GUCY1A2: variants seen among roughly 807,000 people sequenced by gnomAD.
The protein encoded by GUCY1A2 is guanylate cyclase 1 soluble subunit alpha 2, also known as guanylate cyclase soluble subunit alpha-2.
A neutral mutation model predicts 63.5 loss-of-function variants in GUCY1A2; 27 were observed. The observed-to-expected ratio is 0.43, with a 90% CI of 0.31 to 0.59. The LOEUF (loss-of-function observed/expected upper bound fraction) is 0.59, where lower values mean the gene tolerates loss of function less well. Ranked by LOEUF, GUCY1A2 falls within the 20% of genes least tolerant of loss-of-function variation. The pLI, the probability that GUCY1A2 is intolerant of heterozygous loss-of-function variation, is 0.11. For synonymous variants in GUCY1A2, 364 were observed against 343.5 expected (o/e 1.06, Z -0.66); for missense variants, 768 against 913.3 (o/e 0.84, Z 2.05).
At chr11:106,887,160 T>G in intron 4 of GUCY1A2, among the ~76,000 whole-genome samples, 1 of 152,106 alleles carries the variant, frequency 6.6e-6, no homozygotes, top group Non-Finnish European at 1.5e-5. Flanking sequence ...ATTCTTTTGA[T>G]AAAAATCTAA....
intron 6 of GUCY1A2, among the ~76,000 whole-genome samples, chr11:106,767,666 A>T (rs1864186907): frequency 6.6e-6 from 1 of 152,142 alleles, no homozygotes; most frequent in Non-Finnish European, 1.5e-5. Flanking sequence ...TGTGTTTTAA[A>T]TCATTATGCT....
chr11:106,742,591 T>C (rs570365456), intron 6 of GUCY1A2, among the ~76,000 whole-genome samples: 3 of 152,336 alleles, frequency 2.0e-5, no homozygotes, highest in Non-Finnish European at 2.9e-5. Flanking sequence ...AGCCTATCAA[T>C]GATGGGCATT....
chr11:106,973,169 T>A (rs1028372735), intron 3 of GUCY1A2, among the ~76,000 whole-genome samples: 1 of 152,126 alleles, frequency 6.6e-6, no homozygotes, highest in African/African-American at 2.4e-5. Flanking sequence ...GATTATATGA[T>A]GATATTCTTA....
intron 5 of GUCY1A2, among the ~76,000 whole-genome samples, chr11:106,800,140 C>T (rs1280332904): frequency 1.3e-5 from 2 of 152,144 alleles, no homozygotes; most frequent in East Asian, 3.9e-4. Flanking sequence ...TGAAAAAATG[C>T]TTATCATCAC....
rs185790557 is a variant in GUCY1A2 at position 106,853,432 on chromosome 11, G to C, written c.1207-42954C>G. ...TTAATTATTTCTTCTGCTTGATCTA[G>C]TCTACTGTTGAAGATATCAATTGTA... On this transcript the variant is annotated intron_variant, in intron 4 of 7. Coordinates refer to ENST00000526355, the MANE Select transcript of GUCY1A2 (RefSeq NM_000855.3). Among the ~76,000 whole-genome samples, 990 of 151,838 alleles carry C rather than the reference G, an allele frequency of 6.5e-3. 10 individuals are homozygous for C. Among genetic ancestry groups the C allele is most frequent in the Non-Finnish European group, 7.6e-3 (517 of 67,922 alleles).
chr11:106,863,222 T>C (rs950423908), intron 4 of GUCY1A2, among the ~76,000 whole-genome samples: 1 of 152,196 alleles, frequency 6.6e-6, no homozygotes. Context: ...CCCATGCCTA[T>C]TTCCTGAACG....
At chr11:106,936,741 A>C in intron 4 of GUCY1A2, 1 of 1,371,970 alleles carries the variant, frequency 7.3e-7, no homozygotes, top group Non-Finnish European at 1.0e-6. Flanking sequence ...TGGCAGACGT[A>C]GTGGTTCATT....
intron 1 of GUCY1A2, among the ~76,000 whole-genome samples, chr11:106,990,556 G>T (rs1240271253): frequency 6.6e-6 from 1 of 152,246 alleles, no homozygotes; most frequent in Non-Finnish European, 1.5e-5. Flanking sequence ...CAGGCAGGAG[G>T]CAGAGAGTAA....
At chr11:106,825,085 A>C in intron 4 of GUCY1A2, 1 of 619,670 alleles carries the variant, frequency 1.6e-6, no homozygotes, top group Non-Finnish European at 2.7e-6. Flanking sequence ...ATATTTTCAG[A>C]GCTTATCTCT....
chr11:106,930,632 A>G (rs1260560926), intron 4 of GUCY1A2, among the ~76,000 whole-genome samples: 2 of 152,372 alleles, frequency 1.3e-5, no homozygotes, highest in African/African-American at 2.4e-5. Context: ...AAAAGTTGCT[A>G]TAGGAAAAAA....
At chr11:106,763,940 T>C (rs1392816920) in intron 6 of GUCY1A2, among the ~76,000 whole-genome samples, 1 of 152,112 alleles carries the variant, frequency 6.6e-6, no homozygotes, top group African/African-American at 2.4e-5. Flanking sequence ...AAAGCAAATA[T>C]GCCTTTTGGA....
rs573773840 is a variant in GUCY1A2, at chr11:106,987,424, G to A, written c.304-1293C>T. On this transcript the variant is annotated intron_variant, in intron 1 of 7. Coordinates refer to ENST00000526355, the MANE Select transcript of GUCY1A2 (RefSeq NM_000855.3). ...CCAGCACTTTGGGAGGCCGAGGCAC[G>A]TGGATCACTTGAGGTCAGGAGTTCA... Among the ~76,000 whole-genome samples the A allele has an allele frequency of 1.5e-3, 225 of 152,340 alleles. 1 individual carries two copies. The highest frequency in any genetic ancestry group is 5.2e-3 in the African/African-American group (218 of 41,584).
intron 5 of GUCY1A2, among the ~76,000 whole-genome samples, chr11:106,804,506 T>C (rs575424933): frequency 3.2e-4 from 49 of 152,224 alleles, no homozygotes; most frequent in Admixed American, 1.6e-3. Context: ...CAAAACAAGG[T>C]GGAAGTGAAG....
At chr11:106,730,059 A>AATATATATATATATATATATATATATAT (rs60486225) in intron 6 of GUCY1A2, among the ~76,000 whole-genome samples, 5 of 103,356 alleles carry the variant, frequency 4.8e-5, no homozygotes, top group Non-Finnish European at 9.9e-5. Flanking sequence ...ATCAGCATGG[A>AATATATATATATATATATATATATATAT]ATATATATAT....
At chr11:106,860,892 T>A (rs1859502170) in intron 4 of GUCY1A2, among the ~76,000 whole-genome samples, 1 of 151,972 alleles carries the variant, frequency 6.6e-6, no homozygotes, top group South Asian at 2.1e-4. Context: ...CCAACCCTCA[T>A]TTCAGCTTGA....
rs577679422 is a variant in GUCY1A2 at position 106,688,135 on chromosome 11, G to A, written c.1992-379C>T. Among the ~76,000 whole-genome samples, 31 of 152,176 alleles carry A rather than the reference G, an allele frequency of 2.0e-4. 1 individual carries two copies. The South Asian group carries it at 5.0e-3, about 24-fold the overall frequency. On this transcript the variant is annotated intron_variant, in intron 7 of 7. Transcript: ENST00000526355. ...CAAGCATGCAGGATTTACCTTTTCCGTTTTTAAAACCTGCCCAAATTCTAG... is the reference window on the plus strand; with the variant it reads ...CAAGCATGCAGGATTTACCTTTTCCATTTTTAAAACCTGCCCAAATTCTAG...
chr11:106,826,940 C>T (rs146293472), intron 4 of GUCY1A2: 25,973 of 1,610,394 alleles, frequency 0.016, 365 homozygotes, highest in Middle Eastern at 0.052. Flanking sequence ...TTCGGTGTAA[C>T]TCCTGTAGCA....
At position 106,705,079 on chromosome 11, in the gene GUCY1A2, TTC is replaced by T. The variant is rs561599323; in HGVS notation, c.1991+3431_1991+3432del. Among the ~76,000 whole-genome samples, 7 of 152,194 alleles carry T rather than the reference TTC, an allele frequency of 4.6e-5. No homozygotes were observed. In the South Asian group the frequency reaches 1.4e-3, roughly 32 times the overall value. On this transcript the variant is annotated intron_variant, in intron 7 of 7. Coordinates refer to ENST00000526355, the MANE Select transcript of GUCY1A2 (RefSeq NM_000855.3). The stretch of plus-strand genomic sequence containing the variant: ...GGAAAACTTAAAACTCAATAAAAAT[TTC>T]TTTTTTGTAATGTCATGTAAATAAT...
intron 4 of GUCY1A2, among the ~76,000 whole-genome samples, chr11:106,851,890 T>C (rs957352793): frequency 1.3e-5 from 2 of 151,986 alleles, no homozygotes; most frequent in Non-Finnish European, 2.9e-5. Context: ...GTAAAGAATG[T>C]CATTAATATT....
Sources: allele counts gnomAD v4.1 joint callset (sites outside exome capture counted in the v4.1 genomes callset), GRCh38; gene constraint gnomAD v4.1.1; transcripts MANE v1.5; gene names NCBI Gene and HGNC (gene_info 2026-07-23, HGNC 2026-07-21).